The following COMMD1 variants were observed in gnomAD, a reference collection of about 807,000 sequenced individuals.
COMMD1 encodes copper metabolism domain containing 1.
In COMMD1, 10 loss-of-function variants were observed where a neutral mutation model predicts 17.2. The observed-to-expected ratio is 0.58, with a 90% CI of 0.36 to 0.99. COMMD1 has a LOEUF of 0.99. Ranked by LOEUF, COMMD1 falls within the 50% of genes least tolerant of loss-of-function variation. The pLI is 0.01. For synonymous variants in COMMD1, 97 were observed against 91.6 expected (o/e 1.06, Z -0.34); for missense variants, 270 against 231.8 (o/e 1.17, Z -1.07).
At chr2:62,075,258 G>A (rs1671310350) in intron 2 of COMMD1, among the ~76,000 whole-genome samples, 2 of 152,000 alleles carry the variant, frequency 1.3e-5, no homozygotes, top group South Asian at 2.1e-4. Flanking sequence ...ATATTAATGT[G>A]AACTTTCTGA....
chr2:62,007,946 T>C (rs116288221), intron 2 of COMMD1, among the ~76,000 whole-genome samples: 1 of 151,874 alleles, frequency 6.6e-6, no homozygotes, highest in Non-Finnish European at 1.5e-5. Context: ...CTTTGAGAGG[T>C]TGAGGGAGGC....
intron 1 of COMMD1, among the ~76,000 whole-genome samples, chr2:61,889,440 G>T (rs930982274): frequency 3.3e-5 from 5 of 151,896 alleles, no homozygotes; most frequent in African/African-American, 1.2e-4. Context: ...GACCTCCCCG[G>T]CTCAAAGCGG....
chr2:61,902,638 G>A (rs568653323), upstream of COMMD1, among the ~76,000 whole-genome samples: 18 of 152,160 alleles, frequency 1.2e-4, no homozygotes, highest in African/African-American at 3.4e-4. Flanking sequence ...TAAGAAATGC[G>A]AATTAAAACA....
chr2:61,905,592 G>C, upstream of COMMD1: 2 of 1,337,488 alleles, frequency 1.5e-6, no homozygotes, highest in South Asian at 3.0e-5. Flanking sequence ...GGTTCCCCGT[G>C]GTGGTTTTGC....
intron 2 of COMMD1, among the ~76,000 whole-genome samples, chr2:62,130,534 A>AT (rs773123545): frequency 6.8e-4 from 104 of 152,200 alleles, no homozygotes; most frequent in Non-Finnish European, 1.3e-3. Flanking sequence ...AACACAAGAC[A>AT]TTAGAGCCAA....
intron 1 of COMMD1, among the ~76,000 whole-genome samples, chr2:61,989,544 C>T (rs1361746420): frequency 6.6e-6 from 1 of 151,482 alleles, no homozygotes; most frequent in African/African-American, 2.4e-5. Context: ...CTCACTGCAA[C>T]CTCCACCTCC....
At chr2:61,889,450 G>A (rs1423139482) in intron 1 of COMMD1, among the ~76,000 whole-genome samples, 1 of 151,904 alleles carries the variant, frequency 6.6e-6, no homozygotes, top group Non-Finnish European at 1.5e-5. Flanking sequence ...GCTCAAAGCG[G>A]TCCACCCTCC....
intron 2 of COMMD1, among the ~76,000 whole-genome samples, chr2:62,089,895 C>T (rs997576491): frequency 2.1e-4 from 31 of 149,766 alleles, no homozygotes; most frequent in African/African-American, 7.4e-4. Flanking sequence ...GCTAAGAAGG[C>T]TCATTCCTAG....
At chr2:61,957,049 C>CAAG (rs367811175) in intron 1 of COMMD1, among the ~76,000 whole-genome samples, 87 of 151,328 alleles carry the variant, frequency 5.7e-4, no homozygotes, top group African/African-American at 2.1e-3. Context: ...CCACGCCCGG[C>CAAG]AAGAAGGTGC....
At chr2:62,007,700 G>A (rs923755820) in intron 2 of COMMD1, among the ~76,000 whole-genome samples, 1 of 152,128 alleles carries the variant, frequency 6.6e-6, no homozygotes, top group Non-Finnish European at 1.5e-5. Flanking sequence ...TATAACCTAG[G>A]TGTATAGCAG....
intron 1 of COMMD1, among the ~76,000 whole-genome samples, chr2:61,999,678 C>T (rs1464844649): frequency 7.9e-5 from 12 of 152,154 alleles, no homozygotes; most frequent in Admixed American, 7.2e-4. Context: ...GTCCTCCTGC[C>T]TCAGCTTCCC....
chr2:62,068,961 T>C (rs1362246787), intron 2 of COMMD1, among the ~76,000 whole-genome samples: 2 of 151,942 alleles, frequency 1.3e-5, no homozygotes, highest in Admixed American at 1.3e-4. Flanking sequence ...AATCTTAAGA[T>C]AGGTGAAAAG....
intron 1 of COMMD1, among the ~76,000 whole-genome samples, chr2:61,990,821 C>T (rs1052692741): frequency 4.7e-5 from 7 of 149,130 alleles, no homozygotes; most frequent in Non-Finnish European, 8.9e-5. Context: ...ATTATGGGAG[C>T]TACAAGATGA....
intron 1 of COMMD1, among the ~76,000 whole-genome samples, chr2:61,906,143 C>G (rs980800128): frequency 6.6e-6 from 1 of 152,202 alleles, no homozygotes; most frequent in Non-Finnish European, 1.5e-5. Flanking sequence ...GTAACAGTCG[C>G]GTTTCCTCAG....
intron 2 of COMMD1, among the ~76,000 whole-genome samples, chr2:62,062,995 G>T (rs1019117626): frequency 3.3e-5 from 5 of 151,968 alleles, no homozygotes; most frequent in Admixed American, 1.3e-4. Context: ...GAGGCGGGTG[G>T]ATAATGAGGT....
At chr2:62,036,423 A>G (rs887427937) in intron 2 of COMMD1, among the ~76,000 whole-genome samples, 1 of 152,226 alleles carries the variant, frequency 6.6e-6, no homozygotes, top group African/African-American at 2.4e-5. Flanking sequence ...ATAGGCAAGG[A>G]GAAAACAAAC....
intron 1 of COMMD1, among the ~76,000 whole-genome samples, chr2:61,968,077 C>T (rs1243785580): frequency 6.6e-6 from 1 of 152,066 alleles, no homozygotes; most frequent in Non-Finnish European, 1.5e-5. Flanking sequence ...AGGAGAACTG[C>T]TTGAACCCAG....
chr2:61,983,391 G>T (rs1221516329), intron 1 of COMMD1, among the ~76,000 whole-genome samples: 1 of 151,896 alleles, frequency 6.6e-6, no homozygotes, highest in Non-Finnish European at 1.5e-5. Context: ...GGGGTTTACC[G>T]TGTTAGCCAG....
intron 2 of COMMD1, among the ~76,000 whole-genome samples, chr2:62,003,540 CA>C (rs559636343): frequency 0.12 from 13,060 of 109,282 alleles, 1,200 homozygotes; most frequent in African/African-American, 0.29. Flanking sequence ...GACTCCGTCT[CA>C]AAAAAAAAAA....
Sources: gnomAD v4.1 joint callset for allele counts (sites outside exome capture counted in the v4.1 genomes callset) on GRCh38, gnomAD v4.1.1 for gene constraint, MANE v1.5 for transcripts, NCBI Gene and HGNC (gene_info 2026-07-23, HGNC 2026-07-21) for gene names.